Variants in PTPRE observed in about 807,000 individuals in gnomAD.
The protein encoded by PTPRE is receptor-type tyrosine-protein phosphatase epsilon.
In PTPRE, 51 loss-of-function variants were observed where a neutral mutation model predicts 102.0. The ratio of observed to expected loss-of-function variants is 0.50; its 90% CI spans 0.40 to 0.63. PTPRE has a LOEUF of 0.63. Among genes scored for constraint, PTPRE ranks in the 30% least tolerant of loss-of-function variants. The pLI, the probability that PTPRE is intolerant of heterozygous loss-of-function variation, is 0.00. For synonymous variants in PTPRE, 345 were observed against 348.2 expected (o/e 0.99, Z 0.10); for missense variants, 752 against 915.1 (o/e 0.82, Z 2.30).
intron 7 of PTPRE, 29 bp from the exon 8 acceptor site, chr10:128,060,910 T>G: frequency 5.0e-6 from 8 of 1,600,974 alleles, no homozygotes; most frequent in Non-Finnish European, 6.8e-6. Flanking sequence ...GGTCCTAATA[T>G]CTTGGCTTTG....
intron 6 of PTPRE, among the ~76,000 whole-genome samples, chr10:128,050,480 G>A (rs952433641): frequency 2.0e-4 from 30 of 152,254 alleles, no homozygotes; most frequent in African/African-American, 6.7e-4. Context: ...TGGATGGATG[G>A]ATGGATGGAT....
Position 128,083,522 on chromosome 10 carries a change from TG to T in PTPRE, c.*617del, listed in dbSNP as rs1851887255. 2.6e-5 allele frequency: 4 copies of T among 152,322 alleles called. No individual in the cohort carries two copies. The highest frequency in any genetic ancestry group is 2.6e-4 in the Admixed American group (4 of 15,284). 9.4% of individuals were successfully genotyped at this position (152,322 alleles called of 1,614,324 possible). On this transcript the variant is annotated 3_prime_UTR_variant, in exon 21 of 21. Transcript: ENST00000254667. ...GACTATAAATAATATTTTAAAATGCTGTGTCTACACCATCAAGACTGTGTCT... is the reference window on the plus strand; with the variant it reads ...GACTATAAATAATATTTTAAAATGCTTGTCTACACCATCAAGACTGTGTCT...
intron 1 of PTPRE, among the ~76,000 whole-genome samples, chr10:127,916,737 A>C (rs563730085): frequency 1.2e-3 from 178 of 152,294 alleles, no homozygotes; most frequent in African/African-American, 4.2e-3. Flanking sequence ...AGGATCACCC[A>C]AACATTTGTA....
Position 128,077,703 on chromosome 10 carries a change from C to T in PTPRE, c.1812C>T (p.Gly604=), listed in dbSNP as rs758254478. The T allele has an allele frequency of 6.2e-6, 10 of 1,613,940 alleles. No homozygotes were observed. Among genetic ancestry groups the T allele is most frequent in the Non-Finnish European group, 8.5e-6 (10 of 1,179,834 alleles). ...CTGAGATCGGGATTCCCGCCGAGGG[C>T]AAAGGCATGATTGACCTCATCGCAG... The part of the protein sequence containing the change: ...GWPEIGIPAE[G]KGMIDLIAAV... The change falls in exon 19 of 21, where the codon GGC becomes GGT. Residue 604 remains glycine (G), a synonymous_variant. Coordinates refer to ENST00000254667, the MANE Select transcript of PTPRE (RefSeq NM_006504.6).
In PTPRE at chr10:127,982,257, T is replaced by C. The variant is rs1211667534; in HGVS notation, c.-30-17T>C. On this transcript the variant is annotated splice_polypyrimidine_tract_variant and intron_variant, in intron 1 of 20. Transcript: ENST00000254667. ...TTAACCAGAAAACTGACTTTTTTTT[T>C]CTTCTTTCTTCTTCAGACTATAGCC... The C allele has an allele frequency of 1.6e-6, 2 of 1,259,288 alleles. No homozygotes were observed. The highest frequency in any genetic ancestry group is 1.6e-5 in the African/African-American group (1 of 64,428). The allele number at this position is 1,259,288 out of a possible 1,614,324, so 78.0% of individuals were successfully genotyped here.
chr10:128,059,227 TG>T (rs1315921516), intron 7 of PTPRE, among the ~76,000 whole-genome samples: 2 of 152,240 alleles, frequency 1.3e-5, no homozygotes, highest in Non-Finnish European at 2.9e-5. Flanking sequence ...TATTTCTGCC[TG>T]GGCATTGCCA....
intron 1 of PTPRE, among the ~76,000 whole-genome samples, chr10:127,972,077 TG>T (rs564707382): frequency 1.7e-4 from 26 of 152,178 alleles, no homozygotes; most frequent in Non-Finnish European, 2.9e-4. Context: ...GCACATCAGA[TG>T]AACTGTGCAC....
intron 17 of PTPRE, 23 bp downstream of exon 17, chr10:128,073,494 G>T: frequency 6.2e-7 from 1 of 1,601,674 alleles, no homozygotes; most frequent in Non-Finnish European, 8.5e-7. Context: ...GCCCAGCCCG[G>T]TCCCTCCAGG....
At chr10:127,978,745 G>A (rs1851384538) in intron 1 of PTPRE, among the ~76,000 whole-genome samples, 1 of 152,128 alleles carries the variant, frequency 6.6e-6, no homozygotes, top group Admixed American at 6.5e-5. Flanking sequence ...CACCGGCCGG[G>A]CTTGGTAACT....
chr10:127,966,809 C>T (rs1054049911), intron 1 of PTPRE, among the ~76,000 whole-genome samples: 1 of 152,140 alleles, frequency 6.6e-6, no homozygotes, highest in African/African-American at 2.4e-5. Context: ...ACCACGACAC[C>T]TTTGTCATGG....
chr10:128,052,372 T>C (rs1044882401), intron 6 of PTPRE, among the ~76,000 whole-genome samples: 5 of 152,156 alleles, frequency 3.3e-5, no homozygotes, highest in African/African-American at 1.2e-4. Flanking sequence ...TGAAAAGGAT[T>C]TGATATTGGG....
intron 2 of PTPRE, among the ~76,000 whole-genome samples, chr10:128,000,749 C>G (rs1180229027): frequency 6.6e-6 from 1 of 152,166 alleles, no homozygotes; most frequent in Non-Finnish European, 1.5e-5. Context: ...GGTTTCTTTC[C>G]TACAAAGTGA....
chr10:128,072,233 G>A lies in PTPRE; in HGVS notation c.1464+19G>A, dbSNP rs1306781596. 1.2e-6 allele frequency: 2 copies of A among 1,604,446 alleles called. No homozygotes were observed. Among genetic ancestry groups the A allele is most frequent in the East Asian group, 4.5e-5 (2 of 44,762 alleles). ...CATAGACGTACGTATGCTGGCCTGGGTTGTGTTTATGCAGATGTGTTTCCT... is the reference window on the plus strand; with the variant it reads ...CATAGACGTACGTATGCTGGCCTGGATTGTGTTTATGCAGATGTGTTTCCT... On this transcript the variant is annotated intron_variant, in intron 16 of 20. Coordinates refer to ENST00000254667, the MANE Select transcript of PTPRE (RefSeq NM_006504.6).
intron 1 of PTPRE, among the ~76,000 whole-genome samples, chr10:127,966,739 G>A (rs1474017350): frequency 6.6e-6 from 1 of 152,128 alleles, no homozygotes; most frequent in Non-Finnish European, 1.5e-5. Flanking sequence ...TGCTCTGATG[G>A]CAAGAGGTGC....
At chr10:128,036,843 G>T (rs1373165136) in intron 2 of PTPRE, among the ~76,000 whole-genome samples, 2 of 152,150 alleles carry the variant, frequency 1.3e-5, no homozygotes, top group African/African-American at 4.8e-5. Context: ...ATAAAAGGTG[G>T]GAGGTCTGGG....
At chr10:128,026,926 T>G (rs528669669) in intron 2 of PTPRE, among the ~76,000 whole-genome samples, 1 of 152,352 alleles carries the variant, frequency 6.6e-6, no homozygotes, top group Admixed American at 6.5e-5. Context: ...GGATTTTGTT[T>G]CTCCTTCAGA....
intron 1 of PTPRE, among the ~76,000 whole-genome samples, chr10:127,935,715 T>A (rs570948561): frequency 6.6e-6 from 1 of 152,194 alleles, no homozygotes; most frequent in Admixed American, 6.5e-5. Context: ...GAACAGTCCC[T>A]CCCTGAGGGC....
chr10:127,953,313 G>T (rs1849171970), intron 1 of PTPRE, among the ~76,000 whole-genome samples: 1 of 152,236 alleles, frequency 6.6e-6, no homozygotes, highest in Admixed American at 6.5e-5. Context: ...GTAAATCACG[G>T]TGAAGGCTCT....
chr10:127,965,614 C>A (rs1289056001), intron 1 of PTPRE, among the ~76,000 whole-genome samples: 1 of 152,192 alleles, frequency 6.6e-6, no homozygotes, highest in East Asian at 1.9e-4. Context: ...TTTTGAATTG[C>A]TCTTTTACTT....
Sources: gnomAD v4.1 joint callset for allele counts (sites outside exome capture counted in the v4.1 genomes callset) on GRCh38, gnomAD v4.1.1 for gene constraint, MANE v1.5 for transcripts, NCBI Gene and HGNC (gene_info 2026-07-23, HGNC 2026-07-21) for gene names.